Variants in MRPS28 observed in about 807,000 individuals in gnomAD.
The protein encoded by MRPS28 is mitochondrial ribosomal protein S28.
A neutral mutation model predicts 10.8 loss-of-function variants in MRPS28; 7 were observed. The ratio of observed to expected loss-of-function variants is 0.65; its 90% confidence interval spans 0.37 to 1.22. MRPS28 has a LOEUF of 1.22. Ranked by LOEUF, MRPS28 falls within the 50% of genes most tolerant of loss-of-function variation. The probability of loss-of-function intolerance (pLI) is 0.02; values close to 1 mark genes in which losing one functional copy is unlikely to be tolerated. For synonymous variants in MRPS28, 121 were observed against 93.3 expected, an observed-to-expected ratio of 1.30 and a Z score of -1.71; for missense variants, 265 against 232.9, an observed-to-expected ratio of 1.14 and a Z score of -0.90.
intron 2 of MRPS28, among the ~76,000 whole-genome samples, chr8:79,930,036 C>A (rs138822623): frequency 1.3e-5 from 2 of 152,276 alleles, no homozygotes; most frequent in African/African-American, 4.8e-5. Flanking sequence ...CTCTGGTAGA[C>A]CATGAAGTAC....
chr8:79,983,084 G>A (rs1808022143), intron 2 of MRPS28, among the ~76,000 whole-genome samples: 1 of 151,864 alleles, frequency 6.6e-6, no homozygotes, highest in Non-Finnish European at 1.5e-5. Context: ...AACTTTCAGA[G>A]GAACGATCAG....
chr8:80,011,455 T>A (rs1392003370), intron 1 of MRPS28, among the ~76,000 whole-genome samples: 1 of 151,758 alleles, frequency 6.6e-6, no homozygotes, highest in Non-Finnish European at 1.5e-5. Flanking sequence ...ATAGTCCAAT[T>A]AAAACTAAAT....
At chr8:79,994,637 A>G (rs2130132217) in intron 2 of MRPS28, among the ~76,000 whole-genome samples, 1 of 152,120 alleles carries the variant, frequency 6.6e-6, no homozygotes, top group African/African-American at 2.4e-5. Flanking sequence ...CTTCCTTACT[A>G]ACTGCCCTCT....
chr8:79,954,528 T>A (rs1159644280), intron 2 of MRPS28, among the ~76,000 whole-genome samples: 1 of 152,190 alleles, frequency 6.6e-6, no homozygotes, highest in Non-Finnish European at 1.5e-5. Flanking sequence ...GGGTTCTTGG[T>A]TCTATCCTCT....
At chr8:80,018,065 G>A (rs192407900) in intron 1 of MRPS28, among the ~76,000 whole-genome samples, 4 of 152,092 alleles carry the variant, frequency 2.6e-5, no homozygotes, top group African/African-American at 7.2e-5. Context: ...CGAGGCGGGC[G>A]GATCACAAGG....
At chr8:79,974,922 CA>C (rs1214090597) in intron 2 of MRPS28, among the ~76,000 whole-genome samples, 8 of 152,114 alleles carry the variant, frequency 5.3e-5, no homozygotes, top group African/African-American at 1.9e-4. Context: ...ACAAATATTA[CA>C]TTTTTTATTA....
At chr8:79,975,635 C>T (rs947862307) in intron 2 of MRPS28, among the ~76,000 whole-genome samples, 3 of 151,874 alleles carry the variant, frequency 2.0e-5, no homozygotes, top group Non-Finnish European at 4.4e-5. Flanking sequence ...AACGGCCAAA[C>T]GTTCAACATT....
At chr8:79,980,542 A>C (rs915559751) in intron 2 of MRPS28, among the ~76,000 whole-genome samples, 8 of 152,200 alleles carry the variant, frequency 5.3e-5, no homozygotes, top group Non-Finnish European at 8.8e-5. Context: ...TAAAATTGAA[A>C]TGGCTCTCAT....
At chr8:80,011,196 GC>G (rs1316960580) in intron 1 of MRPS28, among the ~76,000 whole-genome samples, 1 of 149,640 alleles carries the variant, frequency 6.7e-6, no homozygotes, top group Non-Finnish European at 1.5e-5. Context: ...TTTGCTGGGA[GC>G]CATTATTCCA....
chr8:80,028,614 A>G (rs1809550233), intron 1 of MRPS28: 1 of 131,512 alleles, frequency 7.6e-6, no homozygotes, highest in Non-Finnish European at 1.6e-5. Flanking sequence ...AGGGAGGCCA[A>G]TGTAATCACA....
chr8:79,921,871 G>C (rs1810104145), intron 2 of MRPS28, among the ~76,000 whole-genome samples: 2 of 152,216 alleles, frequency 1.3e-5, no homozygotes, highest in Non-Finnish European at 2.9e-5. Context: ...ACTTTTCAAA[G>C]GGAATGCTTC....
rs907869840 is a variant in MRPS28 at position 80,030,227 on chromosome 8, G to A, written c.22C>T (p.Arg8Cys). ...AAATGGCTCTCGGCAGCCACAGCAC[G>A]GGTCCGACACAGCGCCGCCATGACT... MAALCRT[R>C]AVAAESHFLR... The change falls in exon 1 of 3, where the codon CGT becomes TGT. Residue 8 changes from arginine (R) to cysteine (C), a missense_variant. Arg to Cys is a radical substitution (Grantham distance 180). Transcript: ENST00000276585. The A allele has an allele frequency of 8.7e-6, 14 of 1,614,008 alleles. No homozygotes were observed. The African/African-American group carries it at 1.5e-4, about 17-fold the overall frequency.
In MRPS28 at chr8:79,976,262, T is replaced by C. The variant is rs191052290; in HGVS notation, c.395+26737A>G. 1.8e-3 allele frequency among the ~76,000 whole-genome samples: 277 copies of C among 152,250 alleles called. 1 individual carries two copies. Among genetic ancestry groups the C allele is most frequent in the African/African-American group, 5.9e-3 (244 of 41,568 alleles). On this transcript the variant is annotated intron_variant, in intron 2 of 2. Transcript: ENST00000276585. ...CCAAGCCCAGCTAATTTTGTATTTT[T>C]AGTAGAGACAGGGTTTCTCCATGTT...
At chr8:79,919,173 C>T (rs371464478) in intron 2 of MRPS28, 25 bp from the exon 3 acceptor site, 1 of 1,467,252 alleles carries the variant, frequency 6.8e-7, no homozygotes, top group South Asian at 1.3e-5. Context: ...AAAAAAAAAT[C>T]CATTAATTCT....
intron 2 of MRPS28, among the ~76,000 whole-genome samples, chr8:79,975,839 TAATC>T (rs774940360): frequency 2.6e-5 from 4 of 152,256 alleles, no homozygotes; most frequent in East Asian, 1.9e-4. Flanking sequence ...TATAAGGAAA[TAATC>T]AGATAGTTAT....
At chr8:79,943,981 T>C (rs1806836227) in intron 2 of MRPS28, among the ~76,000 whole-genome samples, 1 of 152,196 alleles carries the variant, frequency 6.6e-6, no homozygotes, top group East Asian at 1.9e-4. Flanking sequence ...CATTCCAGAT[T>C]TGGCCACCGT....
intron 2 of MRPS28, 106 bp from the exon 3 acceptor site, chr8:79,919,254 G>C (rs1810004868): frequency 2.3e-6 from 2 of 862,884 alleles, no homozygotes; most frequent in Non-Finnish European, 3.2e-6. Context: ...GTTAGCTCAA[G>C]ATGAAGTTAA....
chr8:79,927,473 A>G (rs1004387944), intron 2 of MRPS28, among the ~76,000 whole-genome samples: 9 of 54,390 alleles, frequency 1.7e-4, no homozygotes, highest in Non-Finnish European at 2.6e-4. Context: ...AAGAGAACAG[A>G]AAACTTCTAA....
chr8:79,962,303 A>G (rs1563527351), intron 2 of MRPS28, among the ~76,000 whole-genome samples: 1 of 152,070 alleles, frequency 6.6e-6, no homozygotes, highest in Non-Finnish European at 1.5e-5. Flanking sequence ...CAACCACCCA[A>G]GCTTACTCTG....
Sources: allele counts gnomAD v4.1 joint callset (sites outside exome capture counted in the v4.1 genomes callset), GRCh38; gene constraint gnomAD v4.1.1; transcripts MANE v1.5; gene names NCBI Gene and HGNC (gene_info 2026-07-23, HGNC 2026-07-21).